Variants in FTCDNL1 observed in about 807,000 individuals in gnomAD.
FTCDNL1 encodes formiminotransferase cyclodeaminase N-terminal like.
Under a neutral mutation model 5.9 loss-of-function variants are expected in FTCDNL1, and 11 were observed. The observed-to-expected ratio is 1.87, with a 90% CI of 1.18 to 3.10. The LOEUF (loss-of-function observed/expected upper bound fraction) is 3.10. Among genes scored for constraint, FTCDNL1 ranks in the 30% most tolerant of loss-of-function variants. The probability of loss-of-function intolerance (pLI) is 0.00; values close to 1 mark genes in which losing one functional copy is unlikely to be tolerated. For synonymous variants in FTCDNL1, 58 were observed against 24.8 expected (o/e 2.34, Z -3.99); for missense variants, 115 against 65.5 (o/e 1.76, Z -2.61).
intron 3 of FTCDNL1, among the ~76,000 whole-genome samples, chr2:199,764,304 C>G (rs969044871): frequency 2.4e-4 from 37 of 152,316 alleles, no homozygotes; most frequent in African/African-American, 8.4e-4. Context: ...TTATTACCCC[C>G]ATTCTGCCGA....
chr2:199,753,761 G>C, the FTCDNL1 span, among the ~76,000 whole-genome samples: 1 of 152,190 alleles, frequency 6.6e-6, no homozygotes. Flanking sequence ...AAAAAATGAA[G>C]AGGTAGGTCA....
chr2:199,832,807 T>C (rs17529642), intron 3 of FTCDNL1, among the ~76,000 whole-genome samples: 12,839 of 152,024 alleles, frequency 0.084, 753 homozygotes, highest in Middle Eastern at 0.14. Context: ...CTTTACACAG[T>C]CATCGATTAT....
the FTCDNL1 span, among the ~76,000 whole-genome samples, chr2:199,722,898 G>A: frequency 2.6e-5 from 4 of 151,994 alleles, no homozygotes; most frequent in Non-Finnish European, 5.9e-5. Flanking sequence ...GTGAATGGGA[G>A]CTCATTCATG....
At chr2:199,805,495 T>C (rs188977535), downstream of FTCDNL1, among the ~76,000 whole-genome samples, 16 of 152,232 alleles carry the variant, frequency 1.1e-4, no homozygotes, top group Middle Eastern at 3.4e-3. Flanking sequence ...TCCCAGTACT[T>C]TGGGAGGCCG....
the FTCDNL1 span, among the ~76,000 whole-genome samples, chr2:199,703,149 C>T: frequency 6.6e-6 from 1 of 151,972 alleles, no homozygotes; most frequent in Admixed American, 6.6e-5. Context: ...TGGTGTGCTG[C>T]ACCCATTAAC....
chr2:199,736,043 A>G, the FTCDNL1 span, among the ~76,000 whole-genome samples: 2 of 152,146 alleles, frequency 1.3e-5, no homozygotes, highest in African/African-American at 4.8e-5. Context: ...GCCAACCCCA[A>G]TTAGCTTTGT....
chr2:199,670,249 A>T, the FTCDNL1 span, among the ~76,000 whole-genome samples: 1 of 152,212 alleles, frequency 6.6e-6, no homozygotes, highest in Admixed American at 6.5e-5. Flanking sequence ...TTAATTTTGG[A>T]ATGCCAAATA....
At chr2:199,814,047 G>T (rs1448777613) in intron 4 of FTCDNL1, among the ~76,000 whole-genome samples, 1 of 151,924 alleles carries the variant, frequency 6.6e-6, no homozygotes, top group African/African-American at 2.4e-5. Context: ...CCTAAATGTG[G>T]ACTTTGCTTC....
chr2:199,719,427 G>A, the FTCDNL1 span, among the ~76,000 whole-genome samples: 35 of 152,176 alleles, frequency 2.3e-4, no homozygotes, highest in Non-Finnish European at 4.1e-4. Context: ...GGTTACTATA[G>A]CATTGTAGTA....
intron 3 of FTCDNL1, among the ~76,000 whole-genome samples, chr2:199,796,357 T>C (rs372822031): frequency 2.0e-5 from 3 of 152,190 alleles, no homozygotes; most frequent in South Asian, 2.1e-4. Context: ...CTTTAAAATA[T>C]TGATAGCCAT....
At chr2:199,740,570 C>T in the FTCDNL1 span, among the ~76,000 whole-genome samples, 1 of 152,218 alleles carries the variant, frequency 6.6e-6, no homozygotes, top group African/African-American at 2.4e-5. Flanking sequence ...CCTTCCCCAG[C>T]TTCGTGGGGT....
chr2:199,699,359 T>TG, the FTCDNL1 span, among the ~76,000 whole-genome samples: 1 of 152,040 alleles, frequency 6.6e-6, no homozygotes, highest in Non-Finnish European at 1.5e-5. Flanking sequence ...CCCAGCTACC[T>TG]GGGGGGCTCA....
intron 3 of FTCDNL1, among the ~76,000 whole-genome samples, chr2:199,782,520 C>CTTT (rs1257765735): frequency 1.3e-5 from 2 of 152,182 alleles, no homozygotes; most frequent in Non-Finnish European, 2.9e-5. Flanking sequence ...TGGGAAGGTT[C>CTTT]TTAACCTACA....
chr2:199,720,432 A>C, the FTCDNL1 span, among the ~76,000 whole-genome samples: 2 of 152,216 alleles, frequency 1.3e-5, no homozygotes, highest in African/African-American at 4.8e-5. Context: ...ACCACAAAGT[A>C]GGCAGCTTAA....
chr2:199,718,765 C>G, the FTCDNL1 span, among the ~76,000 whole-genome samples: 2 of 152,156 alleles, frequency 1.3e-5, no homozygotes, highest in Non-Finnish European at 2.9e-5. Flanking sequence ...AAGACGCTAT[C>G]TCGTTGTGAT....
chr2:199,768,780 T>C (rs1228377925), intron 3 of FTCDNL1, among the ~76,000 whole-genome samples: 1 of 152,130 alleles, frequency 6.6e-6, no homozygotes, highest in Non-Finnish European at 1.5e-5. Flanking sequence ...TGTATCATTA[T>C]TTGCTGAGGC....
intron 3 of FTCDNL1, among the ~76,000 whole-genome samples, chr2:199,797,960 C>T (rs1320014145): frequency 6.6e-6 from 1 of 152,210 alleles, no homozygotes; most frequent in African/African-American, 2.4e-5. Context: ...CTCCAACTCA[C>T]ACTTTTTCCC....
intron 3 of FTCDNL1, among the ~76,000 whole-genome samples, chr2:199,821,983 AAAGC>A (rs1701720573): frequency 1.3e-5 from 2 of 152,252 alleles, no homozygotes; most frequent in South Asian, 4.1e-4. Context: ...ATATCACAAT[AAAGC>A]AAGTCACATA....
chr2:199,741,661 T>A, the FTCDNL1 span, among the ~76,000 whole-genome samples: 3 of 152,328 alleles, frequency 2.0e-5, no homozygotes, highest in Non-Finnish European at 4.4e-5. Flanking sequence ...TTTCAAATGT[T>A]ACTTCCCTCC....
Sources: gnomAD v4.1 joint callset for allele counts (sites outside exome capture counted in the v4.1 genomes callset) on GRCh38, gnomAD v4.1.1 for gene constraint, MANE v1.5 for transcripts, NCBI Gene and HGNC (gene_info 2026-07-23, HGNC 2026-07-21) for gene names.